Variants in RIC1 observed in about 807,000 individuals in gnomAD.
RIC1 encodes the protein RIC1 partner of RAB6A GEF complex.
Under a neutral mutation model 169.0 loss-of-function variants are expected in RIC1, and 88 were observed. That is an observed-to-expected ratio of 0.52 (90% confidence interval 0.44 to 0.62). The LOEUF (loss-of-function observed/expected upper bound fraction) is 0.62. Ranked by LOEUF, RIC1 falls within the 20% of genes least tolerant of loss-of-function variation. The pLI, the probability that RIC1 is intolerant of heterozygous loss-of-function variation, is 0.00. For missense variants in RIC1, 1,877 were observed against 1,725.5 expected (o/e 1.09, Z -1.56); for synonymous variants, 790 against 601.5 (o/e 1.31, Z -4.59).
rs369951068 is a variant in RIC1, at chr9:5,774,154, A to T, written c.4180A>T (p.Ser1394Cys). 3.7e-6 allele frequency: 6 copies of T among 1,613,988 alleles called. No individual in the cohort carries two copies. In the African/African-American group the frequency reaches 8.0e-5, roughly 22 times the overall value. ...CATCCCCCAGGGTGAAGTTGGAAGC[A>T]GCAATATGGTCAGCCGGAAAGAGGA... ...GSIPQGEVGS[S>C]NMVSRKEEDT... Residue 1394 changes from serine to cysteine, a missense_variant, in exon 26 of 26, where the codon AGC becomes TGC. Ser to Cys is a moderately radical substitution (Grantham distance 112). Coordinates refer to ENST00000414202, the MANE Select transcript of RIC1 (RefSeq NM_020829.4).
intron 3 of RIC1, among the ~76,000 whole-genome samples, chr9:5,709,069 C>G (rs7023770): frequency 0.68 from 102,830 of 152,048 alleles, 36,822 homozygotes; most frequent in African/African-American, 0.92. Flanking sequence ...GTCAGCATAG[C>G]TTAAATCATC....
chr9:5,716,101 C>G (rs571970607), intron 4 of RIC1, among the ~76,000 whole-genome samples: 15 of 152,198 alleles, frequency 9.9e-5, no homozygotes, highest in Non-Finnish European at 1.5e-4. Flanking sequence ...TCCTTGGCCT[C>G]TCAAAGTGCT....
chr9:5,757,429 T>C lies in RIC1; in HGVS notation c.1970T>C (p.Ile657Thr). 1 of 1,614,076 alleles carries C rather than the reference T, an allele frequency of 6.2e-7. No homozygotes were observed. The highest frequency in any genetic ancestry group is 8.5e-7 in the Non-Finnish European group (1 of 1,179,940). The change falls in exon 17 of 26, where the codon ATC becomes ACC. Residue 657 changes from isoleucine (I) to threonine (T), a missense_variant. Coordinates refer to ENST00000414202, the MANE Select transcript of RIC1 (RefSeq NM_020829.4). Reference protein sequence around the residue: ...TLTSVSTENGITLKMPQQARG... With the variant: ...TLTSVSTENGTTLKMPQQARG... ...ACATCAGTGAGTACAGAGAATGGAA[T>C]CACCTTGAAAATGCCACAGCAGGTA...
intron 8 of RIC1, among the ~76,000 whole-genome samples, chr9:5,739,344 A>C (rs1824924137): frequency 6.6e-6 from 1 of 152,198 alleles, no homozygotes; most frequent in African/African-American, 2.4e-5. Flanking sequence ...CTTTAAATGC[A>C]GAATCCCTAC....
At chr9:5,683,059 A>G (rs1820961081) in intron 2 of RIC1, among the ~76,000 whole-genome samples, 1 of 151,958 alleles carries the variant, frequency 6.6e-6, no homozygotes, top group African/African-American at 2.4e-5. Flanking sequence ...CTAGTTAGCC[A>G]TTCGTCTAAT....
At chr9:5,738,400 A>T in intron 7 of RIC1, 50 bp from the exon 8 acceptor site, 1 of 1,254,358 alleles carries the variant, frequency 8.0e-7, no homozygotes, top group Admixed American at 1.9e-5. Flanking sequence ...TGCTTTTTCT[A>T]TTTGTATTTG....
chr9:5,741,986 A>T (rs976923924), intron 8 of RIC1, among the ~76,000 whole-genome samples: 2 of 152,170 alleles, frequency 1.3e-5, no homozygotes, highest in African/African-American at 4.8e-5. Flanking sequence ...GACCCTTTGC[A>T]TTGTATTCTC....
intron 2 of RIC1, among the ~76,000 whole-genome samples, chr9:5,684,274 A>C (rs921031105): frequency 0.27 from 2,017 of 7,610 alleles, no homozygotes; most frequent in Non-Finnish European, 0.37. Flanking sequence ...TCTTGGCTCC[A>C]CCCCCCCCCC....
chr9:5,683,983 C>A (rs1303768025), intron 2 of RIC1, among the ~76,000 whole-genome samples: 2 of 152,182 alleles, frequency 1.3e-5, no homozygotes, highest in East Asian at 1.9e-4. Flanking sequence ...CATTTGTTAA[C>A]CCTGTTGGAA....
chr9:5,757,803 T>C (rs1826093862), intron 17 of RIC1, among the ~76,000 whole-genome samples: 1 of 152,066 alleles, frequency 6.6e-6, no homozygotes, highest in Non-Finnish European at 1.5e-5. Context: ...AGGGGATGGA[T>C]TTTCAGGTGG....
At chr9:5,746,754 T>A (rs901245822) in intron 11 of RIC1, among the ~76,000 whole-genome samples, 2 of 152,170 alleles carry the variant, frequency 1.3e-5, no homozygotes, top group East Asian at 3.8e-4. Context: ...ATGTTAGAAA[T>A]GTGTATCTTA....
intron 3 of RIC1, among the ~76,000 whole-genome samples, chr9:5,707,663 T>G (rs1051859606): frequency 3.9e-5 from 6 of 152,062 alleles, no homozygotes; most frequent in Non-Finnish European, 8.8e-5. Context: ...TCTTTTGTTT[T>G]TTTGTTTGTT....
rs755429039 is a variant in RIC1, at chr9:5,689,996, C to G, written c.290C>G (p.Ser97Cys). ...TACATCTTGTTTTTTCATATTACAT[C>G]TACAAGAGGGGACAAGTACCTTTAT... is the stretch of plus-strand genomic sequence containing the variant. The part of the protein sequence containing the change: ...NGYILFFHIT[S>C]TRGDKYLYEP... The change falls in exon 3 of 26, where the codon TCT becomes TGT. Residue 97 changes from serine to cysteine, a missense_variant. Ser to Cys is a moderately radical substitution (Grantham distance 112). Around this residue, in one of 3 missense-constraint regions of RIC1, gnomAD observed 1,104 missense variants for 992.0 expected, o/e 1.11. Coordinates refer to ENST00000414202, the MANE Select transcript of RIC1 (RefSeq NM_020829.4). 6.2e-6 allele frequency: 10 copies of G among 1,600,128 alleles called. No homozygotes were observed. The South Asian group carries it at 9.1e-5, about 15-fold the overall frequency.
At chr9:5,684,411 G>A (rs78470093) in intron 2 of RIC1, among the ~76,000 whole-genome samples, 2,854 of 151,198 alleles carry the variant, frequency 0.019, 35 homozygotes, top group Non-Finnish European at 0.032. Flanking sequence ...TAAACAAGAT[G>A]TATTTCTCCA....
intron 3 of RIC1, among the ~76,000 whole-genome samples, chr9:5,710,281 A>G (rs1475392784): frequency 6.6e-6 from 1 of 152,190 alleles, no homozygotes; most frequent in Non-Finnish European, 1.5e-5. Flanking sequence ...CTATGTTCCC[A>G]CCTCACAGGA....
chr9:5,759,050 C>T (rs1826182310), intron 17 of RIC1, among the ~76,000 whole-genome samples: 1 of 152,022 alleles, frequency 6.6e-6, no homozygotes, highest in African/African-American at 2.4e-5. Context: ...GCCTTGGTCT[C>T]CCTTCTATAG....
intron 1 of RIC1, among the ~76,000 whole-genome samples, chr9:5,651,689 G>A (rs750274377): frequency 6.7e-5 from 10 of 149,388 alleles, no homozygotes; most frequent in Non-Finnish European, 1.5e-4. Flanking sequence ...TCAGCCTCCC[G>A]AGTAGCTGAG....
intron 3 of RIC1, among the ~76,000 whole-genome samples, chr9:5,711,757 G>C (rs1822940329): frequency 6.6e-6 from 1 of 152,096 alleles, no homozygotes; most frequent in African/African-American, 2.4e-5. Context: ...CCTGATGTGT[G>C]ATGGTCCCTT....
chr9:5,651,080 A>G (rs1818774789), intron 1 of RIC1, among the ~76,000 whole-genome samples: 1 of 152,136 alleles, frequency 6.6e-6, no homozygotes, highest in African/African-American at 2.4e-5. Context: ...CAGTGTCATC[A>G]CATGGTCTCT....
Sources: gnomAD v4.1 joint callset for allele counts (sites outside exome capture counted in the v4.1 genomes callset) on GRCh38, gnomAD v4.1.1 for gene constraint, gnomAD v4.1.1 regional missense constraint, MANE v1.5 for transcripts, NCBI Gene and HGNC (gene_info 2026-07-23, HGNC 2026-07-21) for gene names.